Variants in RXRA observed in about 807,000 individuals in gnomAD.
The protein encoded by RXRA is retinoid X receptor alpha, also known as retinoic acid receptor RXR-alpha.
In RXRA, 5 loss-of-function variants were observed where a neutral mutation model predicts 44.5. That is an observed-to-expected ratio of 0.11 (90% CI 0.06 to 0.24). RXRA has a LOEUF of 0.24. RXRA is among the 10% of genes least tolerant of loss of function. The pLI is 1.00. For synonymous variants in RXRA, 291 were observed against 271.4 expected (o/e 1.07, Z -0.71); for missense variants, 412 against 646.5 (o/e 0.64, Z 3.93).
chr9:134,422,761 C>A (rs956492315), intron 6 of RXRA: 6 of 985,346 alleles, frequency 6.1e-6, no homozygotes, highest in Non-Finnish European at 2.4e-6. Context: ...CCCTCCATCC[C>A]TCATAAGGAG....
intron 1 of RXRA, among the ~76,000 whole-genome samples, chr9:134,376,242 G>A (rs988543474): frequency 6.6e-6 from 1 of 152,154 alleles, no homozygotes; most frequent in African/African-American, 2.4e-5. Flanking sequence ...GCCTGCCCAT[G>A]CCAGCTGTCG....
At position 134,426,746 on chromosome 9, in the gene RXRA, C is replaced by T. The variant is rs769979646; in HGVS notation, c.911-2362C>T. The T allele has an allele frequency of 1.7e-5, 17 of 984,840 alleles. No homozygotes were observed. The highest frequency in any genetic ancestry group is 2.0e-5 in the Non-Finnish European group (17 of 829,396). The allele number at this position is 984,840 out of a possible 1,614,324, so 61.0% of individuals were successfully genotyped here. On this transcript the variant is annotated intron_variant, in intron 6 of 9. Coordinates refer to ENST00000481739, the MANE Select transcript of RXRA (RefSeq NM_002957.6). This position sits in a 1 kb window ranked among gnomAD's most constrained non-coding sequence, Gnocchi z 4.6. ...CTGCTCAGGTAAACCCCCAGGCCTGCAGGATGTGAGGGAGAGAGGCAGGCC... is the reference window on the plus strand; with the variant it reads ...CTGCTCAGGTAAACCCCCAGGCCTGTAGGATGTGAGGGAGAGAGGCAGGCC...
intron 1 of RXRA, among the ~76,000 whole-genome samples, chr9:134,390,822 A>G (rs1830789227): frequency 6.6e-6 from 1 of 152,126 alleles, no homozygotes; most frequent in South Asian, 2.1e-4. Flanking sequence ...GCCCCTGCAC[A>G]TGACAGGCAT....
chr9:134,377,629 C>T (rs979451779), intron 1 of RXRA, among the ~76,000 whole-genome samples: 2 of 152,256 alleles, frequency 1.3e-5, no homozygotes, highest in African/African-American at 4.8e-5. Flanking sequence ...CCACTTCTGT[C>T]TCTTGTTGGC....
intron 1 of RXRA, among the ~76,000 whole-genome samples, chr9:134,338,684 T>C (rs1430456922): frequency 6.6e-6 from 1 of 152,176 alleles, no homozygotes; most frequent in Non-Finnish European, 1.5e-5. Context: ...GCTGATAAGC[T>C]GTGAACTCAT....
intron 5 of RXRA, among the ~76,000 whole-genome samples, chr9:134,420,987 C>A (rs554358681): frequency 6.6e-6 from 1 of 152,248 alleles, no homozygotes; most frequent in Non-Finnish European, 1.5e-5. Flanking sequence ...CCTGATGGAA[C>A]GTGAGAGGCC....
chr9:134,353,562 C>T (rs562073045), intron 1 of RXRA, among the ~76,000 whole-genome samples: 4 of 152,350 alleles, frequency 2.6e-5, no homozygotes, highest in East Asian at 1.9e-4. Flanking sequence ...GCAGCTTCCA[C>T]GGCCCCACGA....
chr9:134,375,783 T>C (rs1830548223), intron 1 of RXRA, among the ~76,000 whole-genome samples: 1 of 150,772 alleles, frequency 6.6e-6, no homozygotes, highest in Admixed American at 6.6e-5. Context: ...AGGGCTGGCT[T>C]CTGGCAGGAG....
At chr9:134,344,214 G>A (rs138063088) in intron 1 of RXRA, among the ~76,000 whole-genome samples, 1 of 152,212 alleles carries the variant, frequency 6.6e-6, no homozygotes, top group Admixed American at 6.5e-5. Context: ...CCTGCCCTGG[G>A]CCTCCCTTTT....
rs149250210 is a variant in RXRA at position 134,373,995 on chromosome 9, G to A, written c.29-27637G>A. ...TGGCCTCCCAGCCTGGTTTTTCTCT[G>A]CCTGTTTGTAGCCCTGGGTTCGACG... is the stretch of plus-strand genomic sequence containing the variant. On this transcript the variant is annotated intron_variant, in intron 1 of 9. Transcript: ENST00000481739. The A allele has an allele frequency of 9.0e-3, 1,372 of 152,388 alleles. 10 individuals are homozygous for A. The highest frequency in any genetic ancestry group is 0.015 in the Non-Finnish European group (1,007 of 68,088). The allele number at this position is 152,388 out of a possible 1,614,324, so 9.4% of individuals were successfully genotyped here.
At position 134,366,749 on chromosome 9, in the gene RXRA, C is replaced by T. The variant is rs550919826; in HGVS notation, c.29-34883C>T. Among the ~76,000 whole-genome samples, 56 of 152,314 alleles carry T rather than the reference C, an allele frequency of 3.7e-4. No individual in the cohort carries two copies. Among genetic ancestry groups the T allele is most frequent in the African/African-American group, 1.2e-3 (48 of 41,576 alleles). ...GGTCAGAAAAGCCATAGACTCTCCA[C>T]GGAAAAGGAAGCCTGGCACCCCCCA... On this transcript the variant is annotated intron_variant, in intron 1 of 9. Coordinates refer to ENST00000481739, the MANE Select transcript of RXRA (RefSeq NM_002957.6). This position sits in a 1 kb window ranked among gnomAD's most constrained non-coding sequence, Gnocchi z 5.9.
chr9:134,432,900 C>T (rs1405811490), intron 8 of RXRA, among the ~76,000 whole-genome samples: 2 of 152,128 alleles, frequency 1.3e-5, no homozygotes, highest in East Asian at 3.9e-4. Context: ...CCACAGGGAG[C>T]CAAGTCCTGA....
chr9:134,328,968 C>T (rs911357087), intron 1 of RXRA, among the ~76,000 whole-genome samples: 5 of 152,218 alleles, frequency 3.3e-5, no homozygotes, highest in African/African-American at 1.2e-4. Context: ...AGGGACTCGC[C>T]AGAGGCAGCC....
rs1377476822 is a variant in RXRA, at chr9:134,342,000, C to G, written c.28+15341C>G. ...GCTCCAGGGTCTGTGAAGCCCAACC[C>G]TGGGGGTAGGGGCTGTCAGAGCATC... On this transcript the variant is annotated intron_variant, in intron 1 of 9. Transcript: ENST00000481739. 7.2e-5 allele frequency among the ~76,000 whole-genome samples: 11 copies of G among 152,174 alleles called. 1 individual carries two copies.
intron 5 of RXRA, among the ~76,000 whole-genome samples, chr9:134,419,303 G>T (rs1479440080): frequency 6.6e-6 from 1 of 152,232 alleles, no homozygotes; most frequent in Non-Finnish European, 1.5e-5. Flanking sequence ...ATTTCGTGAA[G>T]GACATTATTT....
intron 1 of RXRA, among the ~76,000 whole-genome samples, chr9:134,357,600 TGGGTTCGAGGCCAA>T (rs939548449): frequency 3.9e-5 from 6 of 151,938 alleles, no homozygotes; most frequent in Admixed American, 3.9e-4. Context: ...GCCTTGGCCC[TGGGTTCGAGGCCAA>T]GGGTTCGGCT....
Position 134,433,919 on chromosome 9 carries a change from AGTC to A in RXRA, c.1136-179_1136-177del, listed in dbSNP as rs1831572660. Among the ~76,000 whole-genome samples, 1 of 151,942 alleles carries A rather than the reference AGTC, an allele frequency of 6.6e-6. No individual in the cohort carries two copies. The highest frequency in any genetic ancestry group is 2.1e-4 in the South Asian group (1 of 4,806). Reference sequence around the variant, plus strand: ...AGCCTGGCCTGGCCGTGGGTTCCACAGTCGTCCCCCTGCCACCAGGCTCTGGGG... The same window carrying A: ...AGCCTGGCCTGGCCGTGGGTTCCACAGTCCCCCTGCCACCAGGCTCTGGGG... On this transcript the variant is annotated intron_variant, in intron 8 of 9. Coordinates refer to ENST00000481739, the MANE Select transcript of RXRA (RefSeq NM_002957.6). The surrounding 1 kb of genome is among the most constrained non-coding windows in gnomAD (Gnocchi z 4.2).
intron 4 of RXRA, among the ~76,000 whole-genome samples, chr9:134,412,546 C>T (rs892226826): frequency 2.0e-5 from 3 of 152,190 alleles, no homozygotes; most frequent in Admixed American, 6.5e-5. Flanking sequence ...CTGATAGCAT[C>T]TCAGGTTGGG....
chr9:134,333,790 C>G (rs989530083), intron 1 of RXRA, among the ~76,000 whole-genome samples: 3 of 152,194 alleles, frequency 2.0e-5, no homozygotes, highest in Non-Finnish European at 4.4e-5. Context: ...TGGCTGGAGT[C>G]GCTGGGGTGG....
Sources: allele counts gnomAD v4.1 joint callset (sites outside exome capture counted in the v4.1 genomes callset), GRCh38; gene constraint gnomAD v4.1.1; non-coding constraint Gnocchi (gnomAD v3.1); transcripts MANE v1.5; gene names NCBI Gene and HGNC (gene_info 2026-07-23, HGNC 2026-07-21).